NBPF20: variants seen among roughly 807,000 people sequenced by gnomAD.
The protein encoded by NBPF20 is NBPF member 20, also known as NBPF family member NBPF20.
In NBPF20, 90 loss-of-function variants were observed where a neutral mutation model predicts 68.1. The ratio of observed to expected loss-of-function variants is 1.32; its 90% confidence interval spans 1.11 to 1.58. NBPF20 has a LOEUF of 1.58. Among genes scored for constraint, NBPF20 ranks in the 40% most tolerant of loss-of-function variants. NBPF20 has a pLI of 0.00. For missense variants in NBPF20, 816 were observed against 601.2 expected, an observed-to-expected ratio of 1.36 and a Z score of -3.74; for synonymous variants, 290 against 228.1, an observed-to-expected ratio of 1.27 and a Z score of -2.45.
intron 43 of NBPF20, among the ~76,000 whole-genome samples, chr1:145,366,643 C>T (rs1661704067): frequency 1.5e-5 from 1 of 64,542 alleles, no homozygotes; most frequent in African/African-American, 7.7e-5. Flanking sequence ...CCAGGTGACA[C>T]ACTGATGAGG....
chr1:145,404,372 C>T (rs1662670547), intron 2 of NBPF20, among the ~76,000 whole-genome samples: 2 of 152,040 alleles, frequency 1.3e-5, no homozygotes, highest in African/African-American at 4.8e-5. Context: ...GATTCTTCTG[C>T]CTCAGCCACC....
exon 4 of NBPF20, chr1:145,402,279 G>A (rs1662558498): frequency 1.2e-6 from 2 of 1,610,170 alleles, no homozygotes; most frequent in Non-Finnish European, 1.7e-6. Context: ...GGAGGGCCTG[G>A]AGATGCTCAT....
upstream of NBPF20, among the ~76,000 whole-genome samples, chr1:145,409,288 T>A (rs1340998805): frequency 1.3e-5 from 2 of 151,348 alleles, no homozygotes; most frequent in African/African-American, 4.8e-5. Flanking sequence ...CACTTATTAT[T>A]GGACATTTCT....
upstream of NBPF20, among the ~76,000 whole-genome samples, chr1:145,408,383 GA>G (rs1219298847): frequency 6.6e-6 from 1 of 151,844 alleles, no homozygotes; most frequent in Non-Finnish European, 1.5e-5. Context: ...TGTTTTGATG[GA>G]TTTCTTATGA....
chr1:145,415,090 CAGGACAAT>C, the NBPF20 span, among the ~76,000 whole-genome samples: 3 of 151,946 alleles, frequency 2.0e-5, no homozygotes, highest in African/African-American at 7.3e-5. Context: ...GGGGATGTGG[CAGGACAAT>C]AGGATAATAG....
the NBPF20 span, among the ~76,000 whole-genome samples, chr1:145,413,527 T>C: frequency 3.9e-5 from 6 of 152,142 alleles, no homozygotes; most frequent in Non-Finnish European, 7.3e-5. Flanking sequence ...CAAAAACATT[T>C]TGAGTGCAAT....
Position 145,399,065 on chromosome 1 carries a change from CT to C in NBPF20, c.810del (p.Pro272GlnfsTer47), listed in dbSNP as rs2101564092. ...CAACATTACCTGGGAGACACTGGCC[CT>C]TTTTCTTCCTCTTCCTCATCATCAC... On this transcript the variant is annotated frameshift_variant, in exon 7 of 138. Transcript: ENST00000369373. LOFTEE classifies it high-confidence loss of function. The C allele has an allele frequency of 1.5e-6, 1 of 647,208 alleles. No individual in the cohort carries two copies. The highest frequency in any genetic ancestry group is 2.8e-6 in the Non-Finnish European group (1 of 360,390). 40.1% of individuals were successfully genotyped at this position (647,208 alleles called of 1,614,324 possible). A position where few individuals can be genotyped will look rare whatever the true frequency, so the allele number is the denominator to read the frequency against.
intron 9 of NBPF20, chr1:145,393,666 G>C (rs1370939515): frequency 7.6e-7 from 1 of 1,324,236 alleles, no homozygotes; most frequent in African/African-American, 1.5e-5. Flanking sequence ...CAGCTTTTGA[G>C]TTATGGTCAA....
chr1:145,408,000 T>C (rs1321541559), upstream of NBPF20: 3 of 179,562 alleles, frequency 1.7e-5, no homozygotes, highest in East Asian at 1.3e-4. Flanking sequence ...GGATGGGGAA[T>C]TGACCACGGA....
the NBPF20 span, among the ~76,000 whole-genome samples, chr1:145,411,387 CTTTTTTTTT>C: frequency 9.4e-6 from 1 of 106,168 alleles, no homozygotes. Flanking sequence ...GTTGACTTTC[CTTTTTTTTT>C]TTTTTTTTTT....
At chr1:145,407,572 C>T (rs1342127718), upstream of NBPF20, among the ~76,000 whole-genome samples, 1 of 145,592 alleles carries the variant, frequency 6.9e-6, no homozygotes, top group South Asian at 2.1e-4. Context: ...ATATATAACA[C>T]GTGTATATAT....
rs782683018 is a variant in NBPF20 at position 145,292,486 on chromosome 1, A to C, written c.16592T>G (p.Ile5531Ser). 1.8e-5 allele frequency: 13 copies of C among 708,794 alleles called. 2 individuals carry two copies. The highest frequency in any genetic ancestry group is 1.1e-4 in the African/African-American group (5 of 46,532). The allele number at this position is 708,794 out of a possible 1,614,324, so 43.9% of individuals were successfully genotyped here. Residue 5531 changes from isoleucine to serine, a missense_variant, in exon 137 of 138, where the codon ATT becomes AGT. Transcript: ENST00000369373. The stretch of plus-strand genomic sequence containing the variant: ...TTTCTTCCCCTTCCCCTTCTTTTCA[A>C]TTTCTGCAATAAATTCAGACATGGA...
exon 4 of NBPF20, chr1:145,402,328 T>C: frequency 6.2e-7 from 1 of 1,605,872 alleles, no homozygotes; most frequent in Non-Finnish European, 8.5e-7. Flanking sequence ...CCGCAACTTC[T>C]CCCTTAACTG....
chr1:145,291,710 C>A (rs782027126), exon 138 of NBPF20: 5 of 1,611,916 alleles, frequency 3.1e-6, no homozygotes, highest in Admixed American at 1.7e-5. Flanking sequence ...AGAATAACAT[C>A]CATCCAGTGA....
the NBPF20 span, among the ~76,000 whole-genome samples, chr1:145,422,642 A>G: frequency 2.4e-3 from 360 of 152,100 alleles, 7 homozygotes; most frequent in East Asian, 0.037. Flanking sequence ...GAAGGAAAAG[A>G]ATAGTCTTTT....
rs1431952756 is a variant in NBPF20, at chr1:145,393,851, T to G, written c.1043+33A>C. The G allele has an allele frequency of 2.7e-5, 41 of 1,510,222 alleles. 1 individual carries two copies. In the South Asian group the frequency reaches 4.1e-4, roughly 15 times the overall value. The allele number at this position is 1,510,222 out of a possible 1,614,324, so 93.6% of individuals were successfully genotyped here. A position where few individuals can be genotyped will look rare whatever the true frequency, so the allele number is the denominator to read the frequency against. ...GACTTGGCATCTCCAGGTGTCAACA[T>G]CAAATTAACTCTCCACAATTTCTCA... On this transcript the variant is annotated intron_variant, in intron 9 of 137. Transcript: ENST00000369373.
chr1:145,402,072 A>C (rs1351049710), intron 4 of NBPF20, 95 bp downstream of exon 9: 1 of 923,634 alleles, frequency 1.1e-6, no homozygotes, highest in African/African-American at 1.7e-5. Flanking sequence ...GTGGAAAAAA[A>C]CACCATTGAT....
upstream of NBPF20, among the ~76,000 whole-genome samples, chr1:145,410,275 TG>T (rs1259844397): frequency 1.3e-5 from 2 of 151,870 alleles, no homozygotes; most frequent in Non-Finnish European, 2.9e-5. Context: ...GACTAAACAG[TG>T]GAGCATCTTT....
chr1:145,393,432 G>A (rs1432698027), intron 9 of NBPF20, among the ~76,000 whole-genome samples, 186 bp from the exon 15 acceptor site: 8,510 of 131,248 alleles, frequency 0.065, 673 homozygotes, highest in African/African-American at 0.2. Flanking sequence ...ATGAAAGAGA[G>A]AGACACACAC....
Sources: allele counts gnomAD v4.1 joint callset (sites outside exome capture counted in the v4.1 genomes callset), GRCh38; gene constraint gnomAD v4.1.1; transcripts MANE v1.5; gene names NCBI Gene and HGNC (gene_info 2026-07-23, HGNC 2026-07-21).